The following TNFRSF25 variants were observed in gnomAD, a reference collection of about 807,000 sequenced individuals.
TNFRSF25 encodes the protein tumor necrosis factor receptor superfamily member 25.
TNFRSF25 carries 28 observed loss-of-function variants against 49.4 expected under a neutral mutation model. The ratio of observed to expected loss-of-function variants is 0.57; its 90% confidence interval spans 0.42 to 0.78. The LOEUF is 0.78. Among genes scored for constraint, TNFRSF25 ranks in the 30% least tolerant of loss-of-function variants. TNFRSF25 has a pLI of 0.00. For synonymous variants in TNFRSF25, 240 were observed against 234.2 expected, an observed-to-expected ratio of 1.02 and a Z score of -0.23; for missense variants, 531 against 581.6, an observed-to-expected ratio of 0.91 and a Z score of 0.90.
At position 6,461,772 on chromosome 1, in the gene TNFRSF25, G is replaced by A. The variant is rs754057971; in HGVS notation, c.926-10C>T. On this transcript the variant is annotated splice_polypyrimidine_tract_variant and intron_variant, in intron 9 of 9. Coordinates refer to ENST00000356876, the MANE Select transcript of TNFRSF25 (RefSeq NM_003790.3). This position sits in a 1 kb window ranked among gnomAD's most constrained non-coding sequence, Gnocchi z 6.3. ...GGCGCAGCAGCGGGGCCTGGGGCAG[G>A]GCCAGAGAGAGCCAATTGGGGTACG... The A allele has an allele frequency of 1.3e-6, 2 of 1,506,276 alleles. No homozygotes were observed. Among genetic ancestry groups the A allele is most frequent in the Admixed American group, 2.1e-5 (1 of 48,198 alleles). The allele number at this position is 1,506,276 out of a possible 1,614,324, so 93.3% of individuals were successfully genotyped here.
At chr1:6,463,566 A>C (rs1019809002) in intron 5 of TNFRSF25, 17 of 169,032 alleles carry the variant, frequency 1.0e-4, no homozygotes, top group Admixed American at 1.7e-4. Flanking sequence ...CTCTACTAAA[A>C]ATACAAAAAA....
chr1:6,465,908 G>A, intron 1 of TNFRSF25, 161 bp downstream of exon 1: 3 of 1,426,892 alleles, frequency 2.1e-6, no homozygotes, highest in Non-Finnish European at 2.7e-6. Flanking sequence ...CCTCTCAGTG[G>A]AAGGGCTACG....
chr1:6,462,187 A>G lies in TNFRSF25; in HGVS notation c.745-13T>C. 1 of 1,593,668 alleles carries G rather than the reference A, an allele frequency of 6.3e-7. No homozygotes were observed. The highest frequency in any genetic ancestry group is 1.1e-5 in the South Asian group (1 of 89,304). On this transcript the variant is annotated splice_polypyrimidine_tract_variant and intron_variant, in intron 8 of 9. Transcript: ENST00000356876. The surrounding 1 kb of genome is among the most constrained non-coding windows in gnomAD (Gnocchi z 4.2). ...ACAGATGGGTGGCCTGGAAGCCAAGAGGGGCCCCAGGTCAGCCCTGCTTGC... is the reference window on the plus strand; with the variant it reads ...ACAGATGGGTGGCCTGGAAGCCAAGGGGGGCCCCAGGTCAGCCCTGCTTGC...
Position 6,464,178 on chromosome 1 carries a change from G to A in TNFRSF25, c.542+197C>T, listed in dbSNP as rs983006290. 32 of 1,441,698 alleles carry A rather than the reference G, an allele frequency of 2.2e-5. No homozygotes were observed. In the Middle Eastern group the frequency reaches 7.7e-4, roughly 35 times the overall value. The allele number at this position is 1,441,698 out of a possible 1,614,324, so 89.3% of individuals were successfully genotyped here. A position where few individuals can be genotyped will look rare whatever the true frequency, so the allele number is the denominator to read the frequency against. On this transcript the variant is annotated intron_variant, in intron 5 of 9. Transcript: ENST00000356876. ...TGAAAGTGAAGGCAAATACCCTTATGTATCTGGCTAAGGCGGATCCAGATT... is the reference window on the plus strand; with the variant it reads ...TGAAAGTGAAGGCAAATACCCTTATATATCTGGCTAAGGCGGATCCAGATT...
At chr1:6,465,866 C>T in intron 1 of TNFRSF25, 1 of 1,422,414 alleles carries the variant, frequency 7.0e-7, no homozygotes, top group South Asian at 1.5e-5. Context: ...AATGCTCTGC[C>T]TGGGGCCCCC....
rs996700908 is a variant in TNFRSF25, at chr1:6,461,139, G to A, written c.*295C>T. The A allele has an allele frequency of 1.3e-5, 8 of 632,094 alleles. No individual in the cohort carries two copies. In the Admixed American group the frequency reaches 1.3e-4, roughly 10 times the overall value. 39.2% of individuals were successfully genotyped at this position (632,094 alleles called of 1,614,324 possible). A position where few individuals can be genotyped will look rare whatever the true frequency, so the allele number is the denominator to read the frequency against. Reference sequence around the variant, plus strand: ...CTTAACACCCCAGCCCCGCAGAAACGCCAAGAAGCCGTTTTTGTTTTGTTT... The same window carrying A: ...CTTAACACCCCAGCCCCGCAGAAACACCAAGAAGCCGTTTTTGTTTTGTTT... On this transcript the variant is annotated 3_prime_UTR_variant, in exon 10 of 10. Transcript: ENST00000356876. This position sits in a 1 kb window ranked among gnomAD's most constrained non-coding sequence, Gnocchi z 6.3.
In TNFRSF25 at chr1:6,461,551, G is replaced by A. The variant is rs377298266; in HGVS notation, c.1137C>T (p.Leu379=). The A allele has an allele frequency of 6.2e-7, 1 of 1,609,612 alleles. No homozygotes were observed. Among genetic ancestry groups the A allele is most frequent in the Non-Finnish European group, 8.5e-7 (1 of 1,179,304 alleles). The change falls in exon 10 of 10, where the codon CTC becomes CTT. Residue 379 remains leucine (L), a synonymous_variant. Coordinates refer to ENST00000356876, the MANE Select transcript of TNFRSF25 (RefSeq NM_003790.3). This position sits in a 1 kb window ranked among gnomAD's most constrained non-coding sequence, Gnocchi z 6.3. ...GRFRDQQYEM[L]KRWRQQQPAG... is the part of the protein sequence containing the mutation. ...CGGGCTGCTGCTGGCGCCAGCGCTT[G>A]AGCATCTCGTACTGCTGGTCTCGGA...
chr1:6,464,779 G>C, intron 3 of TNFRSF25, 60 bp from the exon 4 acceptor site: 1 of 1,572,604 alleles, frequency 6.4e-7, no homozygotes, highest in African/African-American at 1.3e-5. Flanking sequence ...GGCTCCCATG[G>C]AGAGGCAGAG....
rs768421164 is a variant in TNFRSF25, at chr1:6,466,058, T to C, written c.39+11A>G. 1 of 1,580,632 alleles carries C rather than the reference T, an allele frequency of 6.3e-7. No individual in the cohort carries two copies. The highest frequency in any genetic ancestry group is 8.6e-7 in the Non-Finnish European group (1 of 1,165,748). On this transcript the variant is annotated intron_variant, in intron 1 of 9. Transcript: ENST00000356876. ...TCAAAGCTGCCCCTAGCCTCCTGCG[T>C]CTCAACTCACCGCCGCCACCGCCGC... is the stretch of plus-strand genomic sequence containing the variant.
intron 3 of TNFRSF25, 83 bp from the exon 4 acceptor site, chr1:6,464,802 G>A (rs77093528): frequency 0.021 from 31,994 of 1,497,944 alleles, 422 homozygotes; most frequent in Non-Finnish European, 0.026. Context: ...ATTATCCCAA[G>A]ATAATGGAGA....
In TNFRSF25 at chr1:6,462,970, A is replaced by G. The variant is rs143172535; in HGVS notation, c.599T>C (p.Met200Thr). The change falls in exon 7 of 10, where the codon ATG becomes ACG. Residue 200 changes from methionine to threonine, a missense_variant and splice_region_variant. Physicochemically the swap from Met to Thr is moderately conservative, Grantham distance 81. Coordinates refer to ENST00000356876, the MANE Select transcript of TNFRSF25 (RefSeq NM_003790.3). The surrounding 1 kb of genome is among the most constrained non-coding windows in gnomAD (Gnocchi z 4.2). ...RCAAVCGWRQ[M>T]FWVQVLLAGL... ...AGCCAGGAGCACCTGGACCCAGAAC[A>G]CTGAAAGCAGCTGGTGGGTGTTGGG... 332 of 1,589,948 alleles carry G rather than the reference A, an allele frequency of 2.1e-4. No individual in the cohort carries two copies. The highest frequency in any genetic ancestry group is 2.7e-4 in the Non-Finnish European group (314 of 1,167,766).
rs775327969 is a variant in TNFRSF25 at position 6,465,529 on chromosome 1, G to A, written c.71C>T (p.Ala24Val). 1 of 1,613,556 alleles carries A rather than the reference G, an allele frequency of 6.2e-7. No homozygotes were observed. The highest frequency in any genetic ancestry group is 1.1e-5 in the South Asian group (1 of 91,070). Residue 24 changes from alanine to valine, a missense_variant, in exon 2 of 10, where the codon GCC (alanine) becomes GTC (valine). Coordinates refer to ENST00000356876, the MANE Select transcript of TNFRSF25 (RefSeq NM_003790.3). ...CCTGGGGCTACGAGTGCCGCCCTGGGCCCGGGCCCCCAGCAGCACCAGGAG... is the reference window on the plus strand; with the variant it reads ...CCTGGGGCTACGAGTGCCGCCCTGGACCCGGGCCCCCAGCAGCACCAGGAG... ...ALLLVLLGAR[A>V]QGGTRSPRCD...
chr1:6,465,264 C>A, intron 2 of TNFRSF25, 42 bp from the exon 3 acceptor site: 1 of 1,581,362 alleles, frequency 6.3e-7, no homozygotes, highest in South Asian at 1.1e-5. Context: ...AGGGGCTGCC[C>A]AGCAACCCCC....
chr1:6,465,080 C>T lies in TNFRSF25; in HGVS notation c.295+8G>A. 1 of 1,608,984 alleles carries T rather than the reference C, an allele frequency of 6.2e-7. No homozygotes were observed. Among genetic ancestry groups the T allele is most frequent in the Middle Eastern group, 1.7e-4 (1 of 6,006 alleles). ...GAACTCCCTGCCAAGCACTGAGAAGCCCCTCACCCTGCTCATCACAGGCCT... is the reference window on the plus strand; with the variant it reads ...GAACTCCCTGCCAAGCACTGAGAAGTCCCTCACCCTGCTCATCACAGGCCT... On this transcript the variant is annotated splice_region_variant and intron_variant, in intron 3 of 9. Transcript: ENST00000356876.
Position 6,465,835 on chromosome 1 carries a change from T to C in TNFRSF25, c.39+234A>G. On this transcript the variant is annotated intron_variant, in intron 1 of 9. Transcript: ENST00000356876. ...CGCCCCCACCCCCACCCATGCTTTC[T>C]GTTGGGGGAGGGACACTGATAATGC... 4.9e-6 allele frequency: 7 copies of C among 1,423,918 alleles called. No homozygotes were observed. The South Asian group carries it at 7.6e-5, about 16-fold the overall frequency. The allele number at this position is 1,423,918 out of a possible 1,614,324, so 88.2% of individuals were successfully genotyped here. A position where few individuals can be genotyped will look rare whatever the true frequency, so the allele number is the denominator to read the frequency against.
chr1:6,465,981 A>G (rs1159673581), intron 1 of TNFRSF25, 88 bp downstream of exon 1: 2 of 1,507,254 alleles, frequency 1.3e-6, no homozygotes, highest in Non-Finnish European at 1.8e-6. Flanking sequence ...TGAGGCTTGG[A>G]GTGGAGACGC....
At position 6,466,145 on chromosome 1, in the gene TNFRSF25, T is replaced by A. The variant is rs931722824; in HGVS notation, c.-38A>T. Reference sequence around the variant, plus strand: ...GGCGCCCAGGGGCTTCCCGGCTCCGTGCTCTCTGCCCGTCGTGGTTCCGCC... The same window carrying A: ...GGCGCCCAGGGGCTTCCCGGCTCCGAGCTCTCTGCCCGTCGTGGTTCCGCC... On this transcript the variant is annotated 5_prime_UTR_variant, in exon 1 of 10. Transcript: ENST00000356876. 1.2e-5 allele frequency: 14 copies of A among 1,216,418 alleles called. No individual in the cohort carries two copies. Among genetic ancestry groups the A allele is most frequent in the Non-Finnish European group, 3.1e-6 (3 of 961,180 alleles). 75.4% of individuals were successfully genotyped at this position (1,216,418 alleles called of 1,614,324 possible). A position where few individuals can be genotyped will look rare whatever the true frequency, so the allele number is the denominator to read the frequency against.
In TNFRSF25 at chr1:6,461,203, A is replaced by C; in HGVS notation, c.*231T>G. 1 of 724,752 alleles carries C rather than the reference A, an allele frequency of 1.4e-6. No individual in the cohort carries two copies. Among genetic ancestry groups the C allele is most frequent in the Non-Finnish European group, 2.5e-6 (1 of 393,368 alleles). The allele number at this position is 724,752 out of a possible 1,614,324, so 44.9% of individuals were successfully genotyped here. On this transcript the variant is annotated 3_prime_UTR_variant, in exon 10 of 10. Coordinates refer to ENST00000356876, the MANE Select transcript of TNFRSF25 (RefSeq NM_003790.3). This position sits in a 1 kb window ranked among gnomAD's most constrained non-coding sequence, Gnocchi z 6.3. ...AGATTTAATACCGCGATCTCAGCCA[A>C]ACTCCGGCCGAGAAGTTGAGAAATG... is the stretch of plus-strand genomic sequence containing the variant.
In TNFRSF25 at chr1:6,462,783, C is replaced by T; in HGVS notation, c.706+80G>A. The T allele has an allele frequency of 6.4e-7, 1 of 1,567,724 alleles. No homozygotes were observed. The stretch of plus-strand genomic sequence containing the variant: ...ACACTCCCTGCCTCAGTTTCCCCTT[C>T]TGTATCAGGGTTGAGTAGACTCTGG... On this transcript the variant is annotated intron_variant, in intron 7 of 9. Transcript: ENST00000356876. The surrounding 1 kb of genome is among the most constrained non-coding windows in gnomAD (Gnocchi z 4.2).
Sources: allele counts gnomAD v4.1 joint callset, GRCh38; gene constraint gnomAD v4.1.1; non-coding constraint Gnocchi (gnomAD v3.1); transcripts MANE v1.5; gene names NCBI Gene and HGNC (gene_info 2026-07-23, HGNC 2026-07-21).